The following VCF1 variants were observed in gnomAD, a reference collection of about 807,000 sequenced individuals.
VCF1 encodes VCP nuclear cofactor family member 1, also known as protein VCF1.
chr17:73,227,204 A>G, the VCF1 span: 2 of 1,586,354 alleles, frequency 1.3e-6, no homozygotes, highest in South Asian at 1.2e-5. Flanking sequence ...GGTTTCTGCT[A>G]CTTCTTTTGG....
At chr17:73,208,632 C>T in the VCF1 span, 5 of 757,100 alleles carry the variant, frequency 6.6e-6, no homozygotes, top group East Asian at 1.0e-4. Context: ...CAAAATTTCA[C>T]AATACTTGTT....
At chr17:73,220,877 CT>C in the VCF1 span, among the ~76,000 whole-genome samples, 18 of 135,122 alleles carry the variant, frequency 1.3e-4, 1 homozygote, top group African/African-American at 3.7e-4. Flanking sequence ...AAAGGTATTG[CT>C]TTTTTTTTAA....
the VCF1 span, among the ~76,000 whole-genome samples, chr17:73,225,887 A>ATATATATATATATATATATATAT: frequency 1.4e-5 from 1 of 70,674 alleles, no homozygotes; most frequent in African/African-American, 5.7e-5. Context: ...TATATAATAT[A>ATATATATATATATATATATATAT]TATATATATA....
the VCF1 span, chr17:73,208,059 T>C: frequency 2.2e-6 from 3 of 1,388,950 alleles, no homozygotes; most frequent in Non-Finnish European, 2.8e-6. Flanking sequence ...TAGCAGGCTG[T>C]GGAGAGAAGT....
the VCF1 span, among the ~76,000 whole-genome samples, chr17:73,218,506 G>A: frequency 1.3e-5 from 2 of 152,130 alleles, no homozygotes; most frequent in African/African-American, 4.8e-5. Context: ...ATTTCAACAG[G>A]CCAAAAAATA....
the VCF1 span, among the ~76,000 whole-genome samples, chr17:73,230,383 A>G: frequency 6.7e-6 from 1 of 149,136 alleles, no homozygotes; most frequent in Admixed American, 6.8e-5. Flanking sequence ...TATCCAATCT[A>G]CTGTGGGAGA....
At chr17:73,219,984 GA>G in the VCF1 span, among the ~76,000 whole-genome samples, 64 of 93,200 alleles carry the variant, frequency 6.9e-4, no homozygotes, top group East Asian at 3.1e-3. Context: ...TCCAAAAAAA[GA>G]AAAAAAAAAA....
At chr17:73,215,279 T>C in the VCF1 span, among the ~76,000 whole-genome samples, 1 of 152,224 alleles carries the variant, frequency 6.6e-6, no homozygotes, top group Non-Finnish European at 1.5e-5. Flanking sequence ...TGGAATTACC[T>C]ATGGGCTTTT....
At chr17:73,208,535 C>T in the VCF1 span, 1 of 1,480,930 alleles carries the variant, frequency 6.8e-7, no homozygotes, top group African/African-American at 1.4e-5. Context: ...GATTCTCAGC[C>T]ACACCAATCT....
chr17:73,207,934 TAA>T, the VCF1 span: 1,637 of 1,058,360 alleles, frequency 1.5e-3, no homozygotes, highest in South Asian at 5.7e-3. Flanking sequence ...GATGGTAGTT[TAA>T]AAAAAAAAAA....
chr17:73,232,309 C>A, the VCF1 span: 2 of 1,573,138 alleles, frequency 1.3e-6, no homozygotes, highest in Non-Finnish European at 1.7e-6. Context: ...CCCCCCATGT[C>A]GCTGCCGCCG....
At chr17:73,214,375 C>A in the VCF1 span, among the ~76,000 whole-genome samples, 1 of 149,972 alleles carries the variant, frequency 6.7e-6, no homozygotes, top group Non-Finnish European at 1.5e-5. Context: ...GTGAAGCTTT[C>A]TTTCAATTAT....
the VCF1 span, among the ~76,000 whole-genome samples, chr17:73,209,974 G>A: frequency 6.6e-6 from 1 of 152,142 alleles, no homozygotes; most frequent in Non-Finnish European, 1.5e-5. Flanking sequence ...GGCTGAGCAG[G>A]GTTTATTGTC....
chr17:73,214,434 TG>T, the VCF1 span, among the ~76,000 whole-genome samples: 1 of 152,182 alleles, frequency 6.6e-6, no homozygotes, highest in Non-Finnish European at 1.5e-5. Context: ...AGCATTTCTA[TG>T]GAACAGGGTC....
At chr17:73,223,135 T>C in the VCF1 span, among the ~76,000 whole-genome samples, 2 of 152,064 alleles carry the variant, frequency 1.3e-5, no homozygotes, top group Non-Finnish European at 2.9e-5. Flanking sequence ...CTGACCAACA[T>C]GGAGAAACCT....
At chr17:73,211,441 C>T in the VCF1 span, among the ~76,000 whole-genome samples, 19 of 151,954 alleles carry the variant, frequency 1.3e-4, no homozygotes, top group African/African-American at 3.4e-4. Flanking sequence ...TGGTGGCAGG[C>T]GGCTGTAATC....
chr17:73,210,040 T>G, the VCF1 span, among the ~76,000 whole-genome samples: 2 of 152,348 alleles, frequency 1.3e-5, no homozygotes, highest in Non-Finnish European at 1.5e-5. Flanking sequence ...ACGGGCTGCC[T>G]AACTCCAAAT....
the VCF1 span, chr17:73,229,605 C>T: frequency 2.0e-6 from 2 of 984,276 alleles, no homozygotes; most frequent in South Asian, 4.7e-5. Flanking sequence ...GTGACTCACA[C>T]CTGTAATCCC....
chr17:73,224,930 GACAGCACAGCACAGCACAGC>G, the VCF1 span, among the ~76,000 whole-genome samples: 5 of 85,824 alleles, frequency 5.8e-5, no homozygotes, highest in African/African-American at 1.0e-4. Context: ...GACAGGACAG[GACAGCACAGCACAGCACAGC>G]ACAGGACAGG....
Sources: gnomAD v4.1 joint callset for allele counts (sites outside exome capture counted in the v4.1 genomes callset) on GRCh38, gnomAD v4.1.1 for gene constraint, MANE v1.5 for transcripts, NCBI Gene and HGNC (gene_info 2026-07-23, HGNC 2026-07-21) for gene names.